TOR1B: variants seen among roughly 807,000 people sequenced by gnomAD.
The protein encoded by TOR1B is torsin-1B.
A neutral mutation model predicts 29.2 loss-of-function variants in TOR1B; 14 were observed. The ratio of observed to expected loss-of-function variants is 0.48; its 90% CI spans 0.32 to 0.75. TOR1B has a LOEUF of 0.75. Among genes scored for constraint, TOR1B ranks in the 30% least tolerant of loss-of-function variants. TOR1B has a pLI of 0.04. For synonymous variants in TOR1B, 166 were observed against 179.8 expected (o/e 0.92, Z 0.62); for missense variants, 400 against 433.9 (o/e 0.92, Z 0.69).
intron 1 of TOR1B, among the ~76,000 whole-genome samples, chr9:129,803,657 C>G: frequency 6.6e-6 from 1 of 152,224 alleles, no homozygotes; most frequent in South Asian, 2.1e-4. Flanking sequence ...CTAAAGCTCC[C>G]GTTCCTTGGG....
chr9:129,804,949 T>C (rs931663938), intron 2 of TOR1B, among the ~76,000 whole-genome samples: 2 of 147,488 alleles, frequency 1.4e-5, no homozygotes, highest in Non-Finnish European at 3.0e-5. Context: ...CCATCCTGGC[T>C]AACACGGTGA....
At position 129,810,478 on chromosome 9, in the gene TOR1B, C is replaced by T; in HGVS notation, c.*895C>T. 1 of 1,136,566 alleles carries T rather than the reference C, an allele frequency of 8.8e-7. No homozygotes were observed. The highest frequency in any genetic ancestry group is 1.6e-5 in the African/African-American group (1 of 62,106). 70.4% of individuals were successfully genotyped at this position (1,136,566 alleles called of 1,614,324 possible). A position where few individuals can be genotyped will look rare whatever the true frequency, so the allele number is the denominator to read the frequency against. On this transcript the variant is annotated 3_prime_UTR_variant, in exon 5 of 5. Transcript: ENST00000259339. ...AATCCTTCACCGTCTCAGCTGGTAT[C>T]AGCCCCAGCCTGCCTTGTGCCATAT...
chr9:129,810,356 G>GA lies in TOR1B; in HGVS notation c.*773_*774insA. 9.6e-7 allele frequency: 1 copy of GA among 1,045,334 alleles called. No individual in the cohort carries two copies. Among genetic ancestry groups the GA allele is most frequent in the South Asian group, 1.5e-5 (1 of 66,360 alleles). 64.8% of individuals were successfully genotyped at this position (1,045,334 alleles called of 1,614,324 possible). On this transcript the variant is annotated 3_prime_UTR_variant, in exon 5 of 5. Coordinates refer to ENST00000259339, the MANE Select transcript of TOR1B (RefSeq NM_014506.3). ...TGACCTGTGTGTGTGTGTGTGGGGGGGTGGGGCCTTCACCTAAGACCTCTG... is the reference window on the plus strand; with the variant it reads ...TGACCTGTGTGTGTGTGTGTGGGGGGAGTGGGGCCTTCACCTAAGACCTCTG...
In TOR1B at chr9:129,810,350, T is replaced by C. The variant is rs1220509; in HGVS notation, c.*767T>C. The stretch of plus-strand genomic sequence containing the variant: ...CTGAGCTGACCTGTGTGTGTGTGTG[T>C]GGGGGGGTGGGGCCTTCACCTAAGA... On this transcript the variant is annotated 3_prime_UTR_variant, in exon 5 of 5. Coordinates refer to ENST00000259339, the MANE Select transcript of TOR1B (RefSeq NM_014506.3). 3.8e-4 allele frequency: 435 copies of C among 1,136,262 alleles called. 34 individuals carry two copies. In the South Asian group the frequency reaches 4.9e-3, roughly 13 times the overall value. The allele number at this position is 1,136,262 out of a possible 1,614,324, so 70.4% of individuals were successfully genotyped here.
In TOR1B at chr9:129,810,588, C is replaced by A; in HGVS notation, c.*1005C>A. On this transcript the variant is annotated 3_prime_UTR_variant, in exon 5 of 5. Transcript: ENST00000259339. Reference sequence around the variant, plus strand: ...GAGACCGTTGGCTTTGAATTTGAGTCGTTGGTTCCCATGGTGAGATGCTTG... The same window carrying A: ...GAGACCGTTGGCTTTGAATTTGAGTAGTTGGTTCCCATGGTGAGATGCTTG... The A allele has an allele frequency of 3.1e-6, 1 of 319,950 alleles. No homozygotes were observed. The highest frequency in any genetic ancestry group is 4.9e-6 in the Non-Finnish European group (1 of 204,260). The allele number at this position is 319,950 out of a possible 1,614,324, so 19.8% of individuals were successfully genotyped here. A position where few individuals can be genotyped will look rare whatever the true frequency, so the allele number is the denominator to read the frequency against.
In TOR1B at chr9:129,803,197, G is replaced by A. The variant is rs766798336; in HGVS notation, c.-16G>A. On this transcript the variant is annotated 5_prime_UTR_variant, in exon 1 of 5. Coordinates refer to ENST00000259339, the MANE Select transcript of TOR1B (RefSeq NM_014506.3). ...GGCGCCTGGCTCAGTGGCTTCTGCG[G>A]GCTTCGAGGAGCGGGATGTTGCGGG... The A allele has an allele frequency of 4.8e-6, 7 of 1,449,696 alleles. No individual in the cohort carries two copies. The South Asian group carries it at 1.0e-4, about 21-fold the overall frequency. The allele number at this position is 1,449,696 out of a possible 1,614,324, so 89.8% of individuals were successfully genotyped here. A position where few individuals can be genotyped will look rare whatever the true frequency, so the allele number is the denominator to read the frequency against.
intron 2 of TOR1B, among the ~76,000 whole-genome samples, chr9:129,805,200 C>T (rs1194780385): frequency 6.6e-6 from 1 of 151,278 alleles, no homozygotes; most frequent in African/African-American, 2.4e-5. Context: ...CGCCTGTAAT[C>T]CCAGCACTTT....
intron 2 of TOR1B, among the ~76,000 whole-genome samples, chr9:129,805,517 G>A (rs2030431904): frequency 2.6e-5 from 4 of 152,198 alleles, no homozygotes; most frequent in Admixed American, 2.6e-4. Context: ...CTTTGTAGCA[G>A]AACCAAAACC....
chr9:129,806,922 G>A (rs1323725626), intron 2 of TOR1B, among the ~76,000 whole-genome samples: 1 of 152,168 alleles, frequency 6.6e-6, no homozygotes, highest in African/African-American at 2.4e-5. Context: ...CACGGATCTT[G>A]TACCTCTTAT....
rs1588212746 is a variant in TOR1B, at chr9:129,810,701, T to C, written c.*1118T>C. The C allele has an allele frequency of 6.0e-6, 1 of 167,136 alleles. No homozygotes were observed. Among genetic ancestry groups the C allele is most frequent in the East Asian group, 1.6e-4 (1 of 6,336 alleles). 10.4% of individuals were successfully genotyped at this position (167,136 alleles called of 1,614,324 possible). A position where few individuals can be genotyped will look rare whatever the true frequency, so the allele number is the denominator to read the frequency against. On this transcript the variant is annotated 3_prime_UTR_variant, in exon 5 of 5. Coordinates refer to ENST00000259339, the MANE Select transcript of TOR1B (RefSeq NM_014506.3). ...ATGTGCTTGTTCTGGAAGGATGACA[T>C]GGGCCCAGACTGAACAAGTCAGCTT...
In TOR1B at chr9:129,809,627, C is replaced by G; in HGVS notation, c.*44C>G. ...TAGGAGACAGCTGGGAGGCTCCGCA[C>G]GCCAGAGGCCTTGCCTTTCAGAAGA... On this transcript the variant is annotated 3_prime_UTR_variant, in exon 5 of 5. Transcript: ENST00000259339. 1 of 1,608,036 alleles carries G rather than the reference C, an allele frequency of 6.2e-7. No individual in the cohort carries two copies. Among genetic ancestry groups the G allele is most frequent in the South Asian group, 1.1e-5 (1 of 90,874 alleles).
At position 129,809,791 on chromosome 9, in the gene TOR1B, C is replaced by T. The variant is rs2030738864; in HGVS notation, c.*208C>T. Reference sequence around the variant, plus strand: ...AATCCTCAACTCACTGCAACCTCCGCTCCCGGTTTGAGTGATTCTCATGCC... The same window carrying T: ...AATCCTCAACTCACTGCAACCTCCGTTCCCGGTTTGAGTGATTCTCATGCC... On this transcript the variant is annotated 3_prime_UTR_variant, in exon 5 of 5. Coordinates refer to ENST00000259339, the MANE Select transcript of TOR1B (RefSeq NM_014506.3). The T allele has an allele frequency of 1.9e-5, 26 of 1,400,554 alleles. No individual in the cohort carries two copies. The South Asian group carries it at 2.3e-4, about 12-fold the overall frequency. The allele number at this position is 1,400,554 out of a possible 1,614,324, so 86.8% of individuals were successfully genotyped here.
At position 129,810,092 on chromosome 9, in the gene TOR1B, T is replaced by C. The variant is rs1345264420; in HGVS notation, c.*509T>C. 1.6e-6 allele frequency: 2 copies of C among 1,272,032 alleles called. No homozygotes were observed. The highest frequency in any genetic ancestry group is 2.1e-6 in the Non-Finnish European group (2 of 967,254). The allele number at this position is 1,272,032 out of a possible 1,614,324, so 78.8% of individuals were successfully genotyped here. On this transcript the variant is annotated 3_prime_UTR_variant, in exon 5 of 5. Coordinates refer to ENST00000259339, the MANE Select transcript of TOR1B (RefSeq NM_014506.3). The stretch of plus-strand genomic sequence containing the variant: ...CCCACAGCACCCGCGCCTCAGAAGC[T>C]ACGGTCACAACTAAAGGAGTCCAGG...
At position 129,809,731 on chromosome 9, in the gene TOR1B, C is replaced by A. The variant is rs879275386; in HGVS notation, c.*148C>A. 6 of 1,442,282 alleles carry A rather than the reference C, an allele frequency of 4.2e-6. No individual in the cohort carries two copies. The African/African-American group carries it at 8.6e-5, about 21-fold the overall frequency. The allele number at this position is 1,442,282 out of a possible 1,614,324, so 89.3% of individuals were successfully genotyped here. ...TAGAATCTTTTTTTTGAGAAGAGGT[C>A]TCACTCCGTCATCCAAGCTGGAGTG... is the stretch of plus-strand genomic sequence containing the variant. On this transcript the variant is annotated 3_prime_UTR_variant, in exon 5 of 5. Coordinates refer to ENST00000259339, the MANE Select transcript of TOR1B (RefSeq NM_014506.3).
At position 129,810,183 on chromosome 9, in the gene TOR1B, A is replaced by G. The variant is rs1443298228; in HGVS notation, c.*600A>G. The stretch of plus-strand genomic sequence containing the variant: ...GCAGGCTGCGGGGCACTGTGTTCTC[A>G]TTGGCCAAAAACATCCTTTTGCTCT... On this transcript the variant is annotated 3_prime_UTR_variant, in exon 5 of 5. Coordinates refer to ENST00000259339, the MANE Select transcript of TOR1B (RefSeq NM_014506.3). 7.7e-7 allele frequency: 1 copy of G among 1,304,232 alleles called. No homozygotes were observed. The highest frequency in any genetic ancestry group is 1.0e-6 in the Non-Finnish European group (1 of 988,938). 80.8% of individuals were successfully genotyped at this position (1,304,232 alleles called of 1,614,324 possible). A position where few individuals can be genotyped will look rare whatever the true frequency, so the allele number is the denominator to read the frequency against.
Position 129,807,143 on chromosome 9 carries a change from C to A in TOR1B, c.466-45C>A, listed in dbSNP as rs1301994323. 3 of 1,600,452 alleles carry A rather than the reference C, an allele frequency of 1.9e-6. No individual in the cohort carries two copies. The South Asian group carries it at 3.3e-5, about 18-fold the overall frequency. ...TGGAGCCTGCGCGCCTCTTGGTGCA[C>A]CCTTTGAGCTTCGCATCCTGTTTCT... On this transcript the variant is annotated intron_variant, in intron 2 of 4. Coordinates refer to ENST00000259339, the MANE Select transcript of TOR1B (RefSeq NM_014506.3).
intron 1 of TOR1B, 27 bp downstream of exon 1, chr9:129,803,438 C>T: frequency 8.0e-7 from 1 of 1,251,986 alleles, no homozygotes; most frequent in Non-Finnish European, 1.0e-6. Context: ...AGCTGTGGGT[C>T]GGCGCTGCGG....
In TOR1B at chr9:129,809,754, G is replaced by A. The variant is rs2030736595; in HGVS notation, c.*171G>A. The A allele has an allele frequency of 1.4e-6, 2 of 1,426,422 alleles. No individual in the cohort carries two copies. The highest frequency in any genetic ancestry group is 1.8e-6 in the Non-Finnish European group (2 of 1,094,868). The allele number at this position is 1,426,422 out of a possible 1,614,324, so 88.4% of individuals were successfully genotyped here. ...GTCTCACTCCGTCATCCAAGCTGGA[G>A]TGCAGTGGTGCAATCCTCAACTCAC... On this transcript the variant is annotated 3_prime_UTR_variant, in exon 5 of 5. Transcript: ENST00000259339.
At chr9:129,804,937 G>A (rs551500102) in intron 2 of TOR1B, among the ~76,000 whole-genome samples, 1 of 150,572 alleles carries the variant, frequency 6.6e-6, no homozygotes, top group African/African-American at 2.4e-5. Flanking sequence ...AGGAGATGGA[G>A]ACCATCCTGG....
Sources: gnomAD v4.1 joint callset for allele counts (sites outside exome capture counted in the v4.1 genomes callset) on GRCh38, gnomAD v4.1.1 for gene constraint, MANE v1.5 for transcripts, NCBI Gene and HGNC (gene_info 2026-07-23, HGNC 2026-07-21) for gene names.